The following GPATCH2 variants were observed in gnomAD, a reference collection of about 807,000 sequenced individuals.
The protein encoded by GPATCH2 is G-patch domain containing 2.
A neutral mutation model predicts 58.0 loss-of-function variants in GPATCH2; 51 were observed. The observed-to-expected ratio is 0.88, with a 90% CI of 0.70 to 1.11. The LOEUF is 1.11. GPATCH2 is among the 50% of genes most tolerant of loss of function. The probability of loss-of-function intolerance (pLI) is 0.00; values close to 1 mark genes in which losing one functional copy is unlikely to be tolerated. For missense variants in GPATCH2, 625 were observed against 652.2 expected, an observed-to-expected ratio of 0.96 and a Z score of 0.45; for synonymous variants, 222 against 218.5, an observed-to-expected ratio of 1.02 and a Z score of -0.14.
At chr1:217,542,966 G>A (rs1160850755) in intron 5 of GPATCH2, among the ~76,000 whole-genome samples, 1 of 152,168 alleles carries the variant, frequency 6.6e-6, no homozygotes, top group East Asian at 1.9e-4. Context: ...ATCTATCCCT[G>A]AGCTTAAGAT....
intron 1 of GPATCH2, among the ~76,000 whole-genome samples, chr1:217,622,013 A>T (rs900940439): frequency 4.6e-5 from 7 of 152,352 alleles, no homozygotes; most frequent in African/African-American, 1.4e-4. Flanking sequence ...GACAGGATTC[A>T]AACTCCAGCA....
chr1:217,598,956 C>T (rs1186747902), intron 5 of GPATCH2, among the ~76,000 whole-genome samples: 1 of 151,974 alleles, frequency 6.6e-6, no homozygotes, highest in African/African-American at 2.4e-5. Context: ...TTTCAGATAA[C>T]AGAGTGACCT....
chr1:217,483,644 T>C (rs564080151), intron 8 of GPATCH2, among the ~76,000 whole-genome samples: 2 of 152,366 alleles, frequency 1.3e-5, no homozygotes, highest in South Asian at 4.1e-4. Flanking sequence ...GAATGTAATA[T>C]AGTACATTCA....
Position 217,620,169 on chromosome 1 carries a change from T to A in GPATCH2, c.387A>T (p.Ser129=). The A allele has an allele frequency of 6.2e-7, 1 of 1,614,132 alleles. No individual in the cohort carries two copies. Among genetic ancestry groups the A allele is most frequent in the East Asian group, 2.2e-5 (1 of 44,892 alleles). ...CTCGAACATTATTATTTAAGTTTGA[T>A]GACGGCCTGCGCTTTGCTACTAACA... ...DQMLVAKRRP[S]SNLNNNVRGK... Residue 129 remains serine, a synonymous_variant, in exon 2 of 10, where the codon TCA becomes TCT. Transcript: ENST00000366935.
At chr1:217,512,128 C>G (rs1002665361) in intron 6 of GPATCH2, among the ~76,000 whole-genome samples, 1 of 152,004 alleles carries the variant, frequency 6.6e-6, no homozygotes, top group African/African-American at 2.4e-5. Context: ...TCAAGACTAG[C>G]CTGGGTAACA....
At chr1:217,583,070 G>A (rs12043080) in intron 5 of GPATCH2, among the ~76,000 whole-genome samples, 34,185 of 152,086 alleles carry the variant, frequency 0.22, 4,074 homozygotes, top group East Asian at 0.4. Context: ...AATAATTACT[G>A]CATGTATTAG....
intron 5 of GPATCH2, among the ~76,000 whole-genome samples, chr1:217,518,766 G>T (rs1663306285): frequency 6.6e-6 from 1 of 152,150 alleles, no homozygotes; most frequent in African/African-American, 2.4e-5. Context: ...TAGTATAGCT[G>T]GTCCCCTTCA....
At chr1:217,555,578 C>T (rs774025848) in intron 5 of GPATCH2, among the ~76,000 whole-genome samples, 32 of 152,052 alleles carry the variant, frequency 2.1e-4, no homozygotes, top group Non-Finnish European at 1.8e-4. Context: ...AGAAAAATGT[C>T]CATGATACTT....
At chr1:217,568,572 G>T (rs1666379528) in intron 5 of GPATCH2, among the ~76,000 whole-genome samples, 1 of 152,182 alleles carries the variant, frequency 6.6e-6, no homozygotes, top group African/African-American at 2.4e-5. Context: ...GAGGAAGAGA[G>T]CCATGCTTGC....
chr1:217,455,903 G>T (rs2102479919), intron 8 of GPATCH2, among the ~76,000 whole-genome samples: 1 of 152,114 alleles, frequency 6.6e-6, no homozygotes, highest in Non-Finnish European at 1.5e-5. Context: ...GAATGGTGTG[G>T]CAGAGAGAAG....
intron 3 of GPATCH2, 87 bp from the exon 4 acceptor site, chr1:217,611,158 C>T: frequency 8.5e-7 from 1 of 1,176,660 alleles, no homozygotes; most frequent in African/African-American, 1.5e-5. Flanking sequence ...AATAAAAATA[C>T]AAGATGGCAG....
chr1:217,586,168 A>G (rs1667331539), intron 5 of GPATCH2, among the ~76,000 whole-genome samples: 1 of 152,156 alleles, frequency 6.6e-6, no homozygotes, highest in African/African-American at 2.4e-5. Flanking sequence ...GCTACACTAA[A>G]TTTATTTTAA....
intron 2 of GPATCH2, among the ~76,000 whole-genome samples, chr1:217,618,807 A>G (rs34943766): frequency 0.34 from 51,250 of 151,716 alleles, 9,080 homozygotes; most frequent in Non-Finnish European, 0.39. Context: ...TAAAAATACA[A>G]AAAAAATTCG....
At chr1:217,449,667 C>G (rs1276810596) in intron 8 of GPATCH2, among the ~76,000 whole-genome samples, 2 of 152,178 alleles carry the variant, frequency 1.3e-5, no homozygotes, top group Non-Finnish European at 2.9e-5. Flanking sequence ...CTAAAGAGAT[C>G]ACAATATTGT....
At chr1:217,626,732 A>G (rs929199372) in intron 1 of GPATCH2, among the ~76,000 whole-genome samples, 4 of 152,236 alleles carry the variant, frequency 2.6e-5, no homozygotes, top group Non-Finnish European at 2.9e-5. Flanking sequence ...CCTTTTATAT[A>G]TATGTGAGGG....
intron 5 of GPATCH2, among the ~76,000 whole-genome samples, chr1:217,606,676 G>A (rs1267020895): frequency 6.6e-6 from 1 of 152,014 alleles, no homozygotes; most frequent in Non-Finnish European, 1.5e-5. Flanking sequence ...GGGAGGTCAC[G>A]GCTGCAGTGA....
chr1:217,514,160 CT>C (rs1227169328), intron 6 of GPATCH2, among the ~76,000 whole-genome samples: 58 of 144,026 alleles, frequency 4.0e-4, no homozygotes, highest in Admixed American at 6.3e-4. Flanking sequence ...TCTTTTACTC[CT>C]TTTTTTTTTT....
intron 8 of GPATCH2, among the ~76,000 whole-genome samples, chr1:217,485,782 G>C (rs939457016): frequency 6.6e-6 from 1 of 152,122 alleles, no homozygotes; most frequent in African/African-American, 2.4e-5. Context: ...ATGGTGGTAA[G>C]TATTTGTGTA....
At chr1:217,499,733 C>CTT (rs531197050) in intron 6 of GPATCH2, among the ~76,000 whole-genome samples, 9 of 141,170 alleles carry the variant, frequency 6.4e-5, no homozygotes, top group African/African-American at 1.8e-4. Context: ...TGGATTGTGC[C>CTT]TTTTTTTTTT....
Sources: allele counts gnomAD v4.1 joint callset (sites outside exome capture counted in the v4.1 genomes callset), GRCh38; gene constraint gnomAD v4.1.1; transcripts MANE v1.5; gene names NCBI Gene and HGNC (gene_info 2026-07-23, HGNC 2026-07-21).